The following NEGR1 variants were observed in gnomAD, a reference collection of about 807,000 sequenced individuals.
The protein encoded by NEGR1 is neuronal growth regulator 1, also known as IgLON family member 4.
NEGR1 carries 10 observed loss-of-function variants against 40.9 expected under a neutral mutation model. That is an observed-to-expected ratio of 0.24 (90% CI 0.15 to 0.42). NEGR1 has a LOEUF of 0.42. Among genes scored for constraint, NEGR1 ranks in the 10% least tolerant of loss-of-function variants. The pLI, the probability that NEGR1 is intolerant of heterozygous loss-of-function variation, is 1.00. For synonymous variants in NEGR1, 185 were observed against 166.8 expected, an observed-to-expected ratio of 1.11 and a Z score of -0.84; for missense variants, 352 against 438.9, an observed-to-expected ratio of 0.80 and a Z score of 1.77.
chr1:71,515,574 G>C (rs991012051), intron 6 of NEGR1, among the ~76,000 whole-genome samples: 2 of 53,302 alleles, frequency 3.8e-5, no homozygotes, highest in African/African-American at 2.2e-4. Context: ...CCTGAAGGAA[G>C]CGCTAAACAT....
chr1:72,262,391 C>T (rs1368501233), intron 1 of NEGR1, among the ~76,000 whole-genome samples: 2 of 151,870 alleles, frequency 1.3e-5, no homozygotes, highest in Admixed American at 1.3e-4. Context: ...AATTGGAACA[C>T]AATGGGAGAA....
intron 2 of NEGR1, 100 bp from the exon 3 acceptor site, chr1:71,776,397 G>A: frequency 1.5e-6 from 1 of 660,764 alleles, no homozygotes; most frequent in African/African-American, 1.9e-5. Flanking sequence ...AGGTATGAGG[G>A]TGAAATGTAT....
intron 1 of NEGR1, among the ~76,000 whole-genome samples, chr1:72,202,145 T>G (rs2100448346): frequency 6.6e-6 from 1 of 152,108 alleles, no homozygotes; most frequent in Admixed American, 6.6e-5. Context: ...AGTGATATTT[T>G]ATGTTACTAT....
chr1:71,486,062 C>A (rs972178857), intron 6 of NEGR1, among the ~76,000 whole-genome samples: 5 of 151,548 alleles, frequency 3.3e-5, no homozygotes, highest in Non-Finnish European at 5.9e-5. Flanking sequence ...AATAAGAGTT[C>A]CAGGAATGAA....
chr1:71,887,165 T>C (rs190396742), intron 2 of NEGR1, among the ~76,000 whole-genome samples: 15 of 152,350 alleles, frequency 9.8e-5, no homozygotes, highest in Non-Finnish European at 2.2e-4. Flanking sequence ...AAAATGTATT[T>C]ACTCTTCATT....
chr1:71,598,779 C>T (rs1482065017), intron 5 of NEGR1, among the ~76,000 whole-genome samples: 2 of 152,154 alleles, frequency 1.3e-5, no homozygotes, highest in Non-Finnish European at 2.9e-5. Flanking sequence ...TGTAAAGTTC[C>T]AGTTATCGTG....
At chr1:71,535,318 G>A (rs1016571608) in intron 6 of NEGR1, among the ~76,000 whole-genome samples, 30 of 151,560 alleles carry the variant, frequency 2.0e-4, no homozygotes, top group Non-Finnish European at 4.4e-5. Flanking sequence ...AAAAAGACGG[G>A]TGGCATACAA....
intron 2 of NEGR1, among the ~76,000 whole-genome samples, chr1:71,884,409 T>C (rs1660668153): frequency 2.0e-5 from 3 of 152,210 alleles, no homozygotes; most frequent in Admixed American, 2.0e-4. Flanking sequence ...TCACTGTACA[T>C]GTAGATCATT....
chr1:71,577,737 C>T (rs1025553616), intron 6 of NEGR1, among the ~76,000 whole-genome samples: 5 of 152,128 alleles, frequency 3.3e-5, no homozygotes, highest in African/African-American at 1.2e-4. Flanking sequence ...CCTTTGTAAA[C>T]AATGACAATA....
intron 4 of NEGR1, among the ~76,000 whole-genome samples, chr1:71,657,286 TAA>T (rs1651910186): frequency 1.3e-5 from 2 of 152,130 alleles, no homozygotes; most frequent in African/African-American, 4.8e-5. Flanking sequence ...GAAAATGTAA[TAA>T]GTGTTGGAAA....
intron 2 of NEGR1, among the ~76,000 whole-genome samples, chr1:71,793,799 A>G (rs191865542): frequency 0.015 from 2,250 of 152,022 alleles, 21 homozygotes; most frequent in Non-Finnish European, 0.023. Flanking sequence ...AAGGATATGT[A>G]TATATATATA....
At chr1:72,266,505 T>C (rs1655644549) in intron 1 of NEGR1, among the ~76,000 whole-genome samples, 1 of 150,936 alleles carries the variant, frequency 6.6e-6, no homozygotes, top group South Asian at 2.1e-4. Flanking sequence ...ACCAGGTCTA[T>C]GGCTGGGTAG....
intron 1 of NEGR1, among the ~76,000 whole-genome samples, chr1:72,196,626 G>T (rs898955057): frequency 6.7e-6 from 1 of 149,160 alleles, no homozygotes; most frequent in African/African-American, 2.5e-5. Flanking sequence ...CAAAATTAGC[G>T]AGGCGTAGTG....
At chr1:72,217,592 T>G (rs1365476995) in intron 1 of NEGR1, among the ~76,000 whole-genome samples, 1 of 151,790 alleles carries the variant, frequency 6.6e-6, no homozygotes, top group Non-Finnish European at 1.5e-5. Context: ...CCACAAAATG[T>G]GAAATAATCA....
At chr1:71,999,664 T>C (rs956151518) in intron 1 of NEGR1, among the ~76,000 whole-genome samples, 9 of 46,620 alleles carry the variant, frequency 1.9e-4, no homozygotes, top group East Asian at 2.9e-3. Context: ...TATATATATA[T>C]ATATATATAT....
chr1:71,779,566 CTTTT>C (rs59637200), intron 2 of NEGR1, among the ~76,000 whole-genome samples: 2 of 149,854 alleles, frequency 1.3e-5, no homozygotes, highest in African/African-American at 4.9e-5. Flanking sequence ...TAGATAAAAA[CTTTT>C]TTTTTTTCTT....
At chr1:71,663,477 C>T (rs1652138918) in intron 4 of NEGR1, among the ~76,000 whole-genome samples, 1 of 152,000 alleles carries the variant, frequency 6.6e-6, no homozygotes, top group Admixed American at 6.6e-5. Flanking sequence ...TTCTTAATTA[C>T]AAAAGAAAAA....
At chr1:72,248,622 C>CA (rs2100526685) in intron 1 of NEGR1, among the ~76,000 whole-genome samples, 1 of 102,576 alleles carries the variant, frequency 9.7e-6, no homozygotes, top group East Asian at 2.4e-4. Flanking sequence ...TTATTTTAGA[C>CA]AGAGTCTCGC....
chr1:71,777,315 C>T (rs750115148), intron 2 of NEGR1, among the ~76,000 whole-genome samples: 1 of 152,036 alleles, frequency 6.6e-6, no homozygotes, highest in African/African-American at 2.4e-5. Flanking sequence ...CTAAGTAAGT[C>T]ACTACATGTT....
Sources: allele counts gnomAD v4.1 joint callset (sites outside exome capture counted in the v4.1 genomes callset), GRCh38; gene constraint gnomAD v4.1.1; transcripts MANE v1.5; gene names NCBI Gene and HGNC (gene_info 2026-07-23, HGNC 2026-07-21).